The following CCSAP variants were observed in gnomAD, a reference collection of about 807,000 sequenced individuals.
CCSAP encodes the protein centriole, cilia and spindle associated protein, also known as centriole, cilia and spindle-associated protein.
A neutral mutation model predicts 25.9 loss-of-function variants in CCSAP; 17 were observed. The observed-to-expected ratio is 0.66, with a 90% CI of 0.45 to 0.99. The LOEUF (loss-of-function observed/expected upper bound fraction) is 0.99. Ranked by LOEUF, CCSAP falls within the 50% of genes least tolerant of loss-of-function variation. CCSAP has a pLI of 0.00. For synonymous variants in CCSAP, 169 were observed against 157.1 expected (o/e 1.08, Z -0.57); for missense variants, 339 against 367.8 (o/e 0.92, Z 0.64).
At chr1:229,333,796 A>G (rs1571854378) in intron 2 of CCSAP, among the ~76,000 whole-genome samples, 1 of 151,740 alleles carries the variant, frequency 6.6e-6, no homozygotes, top group Non-Finnish European at 1.5e-5. Context: ...TGGGAGGATC[A>G]CTTGAACCTG....
Position 229,321,501 on chromosome 1 carries a change from C to T in CCSAP, c.*3734G>A, listed in dbSNP as rs936641589. 4.6e-5 allele frequency: 7 copies of T among 152,104 alleles called. No homozygotes were observed. The highest frequency in any genetic ancestry group is 1.0e-4 in the Non-Finnish European group (7 of 68,012). The allele number at this position is 152,104 out of a possible 1,614,324, so 9.4% of individuals were successfully genotyped here. ...TGCAAACGTTGTGCAATGACCAGGT[C>T]ATATTTTTAAGATCACTCTTTAAAA... On this transcript the variant is annotated 3_prime_UTR_variant, in exon 4 of 4. Coordinates refer to ENST00000284617, the MANE Select transcript of CCSAP (RefSeq NM_145257.5).
intron 2 of CCSAP, among the ~76,000 whole-genome samples, chr1:229,338,449 C>T (rs939828347): frequency 2.6e-5 from 4 of 151,640 alleles, no homozygotes; most frequent in African/African-American, 9.7e-5. Flanking sequence ...AGTAAGGAAT[C>T]GGAGACAGTC....
intron 2 of CCSAP, among the ~76,000 whole-genome samples, chr1:229,341,509 G>A (rs1658334576): frequency 6.6e-6 from 1 of 152,220 alleles, no homozygotes; most frequent in Non-Finnish European, 1.5e-5. Flanking sequence ...GGCGAGGGAG[G>A]ATGGGGAGGG....
chr1:229,340,274 G>C lies in CCSAP; in HGVS notation c.367+1825C>G. ...GAGCAAAACAAAAGATGCTGCGATT[G>C]AGTCCTGAAAGCAGAAAACATCCTT... On this transcript the variant is annotated intron_variant, in intron 2 of 3. Coordinates refer to ENST00000284617, the MANE Select transcript of CCSAP (RefSeq NM_145257.5). 9.4e-6 allele frequency: 6 copies of C among 641,262 alleles called. No individual in the cohort carries two copies. In the South Asian group the frequency reaches 1.1e-4, roughly 12 times the overall value. 39.7% of individuals were successfully genotyped at this position (641,262 alleles called of 1,614,324 possible).
intron 2 of CCSAP, chr1:229,327,684 A>G (rs571442756): frequency 7.8e-5 from 33 of 425,302 alleles, no homozygotes; most frequent in Non-Finnish European, 1.2e-4. Context: ...CCTGGCCAAC[A>G]TGGTGAAACC....
intron 2 of CCSAP, chr1:229,327,505 C>T (rs1380973093): frequency 1.3e-5 from 6 of 456,118 alleles, no homozygotes; most frequent in Non-Finnish European, 2.6e-5. Context: ...AGCCCCTCCG[C>T]ACAACAGGGA....
At chr1:229,336,549 A>G (rs1300531291) in intron 2 of CCSAP, among the ~76,000 whole-genome samples, 2 of 152,118 alleles carry the variant, frequency 1.3e-5, no homozygotes, top group Non-Finnish European at 2.9e-5. Context: ...GCAGGTATAC[A>G]TGTTTGCAGT....
chr1:229,342,051 A>T lies in CCSAP; in HGVS notation c.367+48T>A. 7.7e-7 allele frequency: 1 copy of T among 1,297,830 alleles called. No homozygotes were observed. Among genetic ancestry groups the T allele is most frequent in the Non-Finnish European group, 9.8e-7 (1 of 1,024,122 alleles). The allele number at this position is 1,297,830 out of a possible 1,614,324, so 80.4% of individuals were successfully genotyped here. ...GATCAGCTGCTCAGAGCTTAGAGCA[A>T]ACCGTCCCTGCGTGCAGGCCCCTCG... On this transcript the variant is annotated intron_variant, in intron 2 of 3. Coordinates refer to ENST00000284617, the MANE Select transcript of CCSAP (RefSeq NM_145257.5). This position sits in a 1 kb window ranked among gnomAD's most constrained non-coding sequence, Gnocchi z 7.5.
Position 229,342,344 on chromosome 1 carries a change from T to C in CCSAP, c.122A>G (p.Glu41Gly). ...CCAGAGCCAGGGCGCGTGCGCCTGC[T>C]CCAGCAGCCGGCGGCCTAGGCGGTA... Reference protein sequence around the residue: ...LHYRLGRRLLEQAHAPWLWDD... With the variant: ...LHYRLGRRLLGQAHAPWLWDD... The change falls in exon 2 of 4, where the codon GAG becomes GGG. Residue 41 changes from glutamate (E) to glycine (G), a missense_variant. Transcript: ENST00000284617. The surrounding 1 kb of genome is among the most constrained non-coding windows in gnomAD (Gnocchi z 7.5). 6.6e-7 allele frequency: 1 copy of C among 1,505,658 alleles called. No homozygotes were observed. The highest frequency in any genetic ancestry group is 8.9e-7 in the Non-Finnish European group (1 of 1,128,346). 93.3% of individuals were successfully genotyped at this position (1,505,658 alleles called of 1,614,324 possible).
Position 229,324,254 on chromosome 1 carries a change from T to A in CCSAP, c.*981A>T, listed in dbSNP as rs150271132. 229 of 152,584 alleles carry A rather than the reference T, an allele frequency of 1.5e-3. No homozygotes were observed. Among genetic ancestry groups the A allele is most frequent in the African/African-American group, 5.2e-3 (218 of 41,556 alleles). The allele number at this position is 152,584 out of a possible 1,614,324, so 9.5% of individuals were successfully genotyped here. A position where few individuals can be genotyped will look rare whatever the true frequency, so the allele number is the denominator to read the frequency against. ...GGGTGGGCAGTCTATCTAACAGGCA[T>A]CTTCACACTGGTCCCCATCCCAGTG... On this transcript the variant is annotated 3_prime_UTR_variant, in exon 4 of 4. Transcript: ENST00000284617.
In CCSAP at chr1:229,321,424, C is replaced by G. The variant is rs974842407; in HGVS notation, c.*3811G>C. 1 of 152,210 alleles carries G rather than the reference C, an allele frequency of 6.6e-6. No individual in the cohort carries two copies. Among genetic ancestry groups the G allele is most frequent in the African/African-American group, 2.4e-5 (1 of 41,458 alleles). 9.4% of individuals were successfully genotyped at this position (152,210 alleles called of 1,614,324 possible). ...CATAGGGTTTGATATTAAGCACACA[C>G]TTGCACTGAATAACTCCATATCCAC... On this transcript the variant is annotated 3_prime_UTR_variant, in exon 4 of 4. Transcript: ENST00000284617.
chr1:229,342,220 C>T lies in CCSAP; in HGVS notation c.246G>A (p.Pro82=). 1.6e-6 allele frequency: 2 copies of T among 1,251,944 alleles called. No individual in the cohort carries two copies. Among genetic ancestry groups the T allele is most frequent in the Non-Finnish European group, 2.0e-6 (2 of 1,000,588 alleles). 77.6% of individuals were successfully genotyped at this position (1,251,944 alleles called of 1,614,324 possible). Residue 82 remains proline, a synonymous_variant, in exon 2 of 4, where the codon CCG becomes CCA. Transcript: ENST00000284617. This position sits in a 1 kb window ranked among gnomAD's most constrained non-coding sequence, Gnocchi z 7.5. The stretch of plus-strand genomic sequence containing the variant: ...CCTGGGTCGCCGGCTCTACGGGCGG[C>T]GGGGGCGAGGGCGGGGCGCACCGGG... ...PAPRCAPPSP[P]PPVEPATQEE...
rs187397447 is a variant in CCSAP at position 229,334,134 on chromosome 1, G to A, written c.368-7128C>T. 7.6e-3 allele frequency among the ~76,000 whole-genome samples: 1,153 copies of A among 152,062 alleles called. 18 individuals carry two copies. Among genetic ancestry groups the A allele is most frequent in the African/African-American group, 0.027 (1,118 of 41,482 alleles). ...CACCCAGGCTGGAGTGCAATGGCAC[G>A]ATCTCAGCTCACTGTGACCTCCACC... On this transcript the variant is annotated intron_variant, in intron 2 of 3. Transcript: ENST00000284617.
intron 2 of CCSAP, chr1:229,340,371 A>T (rs1658302247): frequency 1.4e-6 from 1 of 715,630 alleles, no homozygotes; most frequent in Non-Finnish European, 2.6e-6. Flanking sequence ...TATTTAAGGA[A>T]ACCAAAATAA....
At position 229,324,374 on chromosome 1, in the gene CCSAP, G is replaced by C. The variant is rs776314953; in HGVS notation, c.*861C>G. The C allele has an allele frequency of 6.6e-6, 1 of 151,578 alleles. No homozygotes were observed. The highest frequency in any genetic ancestry group is 1.5e-5 in the Non-Finnish European group (1 of 67,952). The allele number at this position is 151,578 out of a possible 1,614,324, so 9.4% of individuals were successfully genotyped here. On this transcript the variant is annotated 3_prime_UTR_variant, in exon 4 of 4. Coordinates refer to ENST00000284617, the MANE Select transcript of CCSAP (RefSeq NM_145257.5). Reference sequence around the variant, plus strand: ...CAGAAGAGGCAAAAGTCCACAGTGGGTGTATGCCAAAAGGTCAAGTGTGAC... The same window carrying C: ...CAGAAGAGGCAAAAGTCCACAGTGGCTGTATGCCAAAAGGTCAAGTGTGAC...
intron 2 of CCSAP, among the ~76,000 whole-genome samples, chr1:229,334,857 G>A (rs1234142225): frequency 1.3e-5 from 2 of 152,182 alleles, no homozygotes; most frequent in African/African-American, 4.8e-5. Flanking sequence ...AAAGCCACAA[G>A]GACAGAGAGC....
At chr1:229,333,431 G>GAAAAAAA in intron 2 of CCSAP, among the ~76,000 whole-genome samples, 1 of 70,496 alleles carries the variant, frequency 1.4e-5, no homozygotes, top group Non-Finnish European at 2.7e-5. Context: ...AGACTCCATC[G>GAAAAAAA]AAAAAAAAAA....
intron 2 of CCSAP, among the ~76,000 whole-genome samples, chr1:229,337,678 A>AAAAAAAAAAAAAAAAAAATAT: frequency 1.5e-5 from 1 of 65,512 alleles, no homozygotes. Flanking sequence ...CTCAAAAAAA[A>AAAAAAAAAAAAAAAAAAATAT]ATATATATAT....
At chr1:229,338,246 A>C (rs184325670) in intron 2 of CCSAP, among the ~76,000 whole-genome samples, 2 of 152,306 alleles carry the variant, frequency 1.3e-5, no homozygotes, top group African/African-American at 4.8e-5. Flanking sequence ...CAAAAAGCCA[A>C]CAGATAAGAT....
Sources: gnomAD v4.1 joint callset for allele counts (sites outside exome capture counted in the v4.1 genomes callset) on GRCh38, gnomAD v4.1.1 for gene constraint, Gnocchi (gnomAD v3.1) non-coding constraint, MANE v1.5 for transcripts, NCBI Gene and HGNC (gene_info 2026-07-23, HGNC 2026-07-21) for gene names.